The following GALNT17 variants were observed in gnomAD, a reference collection of about 807,000 sequenced individuals.
GALNT17 encodes polypeptide N-acetylgalactosaminyltransferase 17.
GALNT17 carries 29 observed loss-of-function variants against 63.7 expected under a neutral mutation model. The observed-to-expected ratio is 0.46, with a 90% confidence interval of 0.34 to 0.62. The LOEUF (loss-of-function observed/expected upper bound fraction) is 0.62. GALNT17 is among the 20% of genes least tolerant of loss of function. The pLI, the probability that GALNT17 is intolerant of heterozygous loss-of-function variation, is 0.01. For synonymous variants in GALNT17, 305 were observed against 318.3 expected, an observed-to-expected ratio of 0.96 and a Z score of 0.45; for missense variants, 603 against 799.6, an observed-to-expected ratio of 0.75 and a Z score of 2.97.
intron 2 of GALNT17, among the ~76,000 whole-genome samples, chr7:71,374,834 ATTT>A (rs71089940): frequency 0.37 from 40,789 of 108,982 alleles, 6,720 homozygotes; most frequent in Non-Finnish European, 0.42. Flanking sequence ...CTTGAGGAGG[ATTT>A]TTTTTTTTTT....
In GALNT17 at chr7:71,712,289, G is replaced by A. The variant is rs1791807167; in HGVS notation, c.*143G>A. The stretch of plus-strand genomic sequence containing the variant: ...CCCAGGGCTTCTCCAGGGCAGCACA[G>A]GGACCCCGGATGAAGACTCTGTCCC... On this transcript the variant is annotated 3_prime_UTR_variant, in exon 11 of 11. Transcript: ENST00000333538. 8.6e-7 allele frequency: 1 copy of A among 1,157,066 alleles called. No homozygotes were observed. The highest frequency in any genetic ancestry group is 1.6e-5 in the African/African-American group (1 of 63,868). 71.7% of individuals were successfully genotyped at this position (1,157,066 alleles called of 1,614,324 possible).
At chr7:71,533,783 A>AG (rs1384942227) in intron 5 of GALNT17, among the ~76,000 whole-genome samples, 1 of 152,160 alleles carries the variant, frequency 6.6e-6, no homozygotes, top group Admixed American at 6.5e-5. Context: ...GCTGTAACAC[A>AG]GGTGATGTCA....
At chr7:71,421,522 G>A (rs1297628489) in intron 5 of GALNT17, among the ~76,000 whole-genome samples, 1 of 152,154 alleles carries the variant, frequency 6.6e-6, no homozygotes, top group African/African-American at 2.4e-5. Context: ...AAAAGGACAA[G>A]GGGGTGTGGC....
At chr7:71,606,082 G>C (rs1311765654) in intron 6 of GALNT17, among the ~76,000 whole-genome samples, 3 of 151,312 alleles carry the variant, frequency 2.0e-5, no homozygotes, top group South Asian at 4.2e-4. Context: ...TGGGACTACT[G>C]GTGTGTACCA....
intron 6 of GALNT17, among the ~76,000 whole-genome samples, chr7:71,614,289 A>C (rs1406637564): frequency 6.6e-6 from 1 of 152,166 alleles, no homozygotes; most frequent in Non-Finnish European, 1.5e-5. Flanking sequence ...TTTTGAGCAC[A>C]GATATGACTC....
At chr7:71,280,429 C>A (rs1790759994) in intron 1 of GALNT17, among the ~76,000 whole-genome samples, 1 of 152,146 alleles carries the variant, frequency 6.6e-6, no homozygotes, top group Non-Finnish European at 1.5e-5. Flanking sequence ...CTACTTTCCA[C>A]CTTCACCAAG....
intron 1 of GALNT17, among the ~76,000 whole-genome samples, chr7:71,327,506 G>T (rs1465409617): frequency 6.6e-6 from 1 of 152,094 alleles, no homozygotes; most frequent in Non-Finnish European, 1.5e-5. Context: ...GGAATTATGG[G>T]AGCTACAATT....
chr7:71,377,800 T>G (rs1792772904), intron 2 of GALNT17, among the ~76,000 whole-genome samples: 1 of 152,126 alleles, frequency 6.6e-6, no homozygotes, highest in South Asian at 2.1e-4. Flanking sequence ...TCAGATCTGA[T>G]GGTTTTATAA....
chr7:71,376,011 A>G (rs950229601), intron 2 of GALNT17, among the ~76,000 whole-genome samples: 8 of 152,084 alleles, frequency 5.3e-5, no homozygotes, highest in Non-Finnish European at 8.8e-5. Flanking sequence ...CCTGGGAGGC[A>G]GAGGTCACAG....
intron 6 of GALNT17, among the ~76,000 whole-genome samples, chr7:71,630,462 T>G (rs1790439355): frequency 1.3e-5 from 2 of 152,222 alleles, no homozygotes. Context: ...TGGCTGACTC[T>G]GCATTTCTAT....
intron 6 of GALNT17, among the ~76,000 whole-genome samples, chr7:71,621,061 T>TTC (rs1790281788): frequency 6.6e-6 from 1 of 152,220 alleles, no homozygotes; most frequent in Non-Finnish European, 1.5e-5. Context: ...ACTATGTTAA[T>TTC]TATAGGCTTA....
intron 6 of GALNT17, among the ~76,000 whole-genome samples, chr7:71,612,475 G>A (rs534183679): frequency 6.6e-5 from 10 of 152,330 alleles, no homozygotes; most frequent in African/African-American, 1.7e-4. Context: ...AAAGGAATGC[G>A]TAAAGAAGAG....
intron 5 of GALNT17, among the ~76,000 whole-genome samples, chr7:71,518,672 C>T (rs1359577268): frequency 2.6e-5 from 4 of 152,164 alleles, no homozygotes; most frequent in Non-Finnish European, 4.4e-5. Flanking sequence ...TTTGGATATA[C>T]TCCCACATTT....
chr7:71,579,736 C>A (rs752496679), intron 6 of GALNT17, among the ~76,000 whole-genome samples: 1 of 152,132 alleles, frequency 6.6e-6, no homozygotes, highest in Non-Finnish European at 1.5e-5. Context: ...CTCTTAGATG[C>A]AGCGACAACC....
At chr7:71,371,471 GT>G (rs1341863622) in intron 2 of GALNT17, among the ~76,000 whole-genome samples, 2 of 151,968 alleles carry the variant, frequency 1.3e-5, no homozygotes, top group Non-Finnish European at 2.9e-5. Context: ...ATGCATTCAT[GT>G]TTTTTGTTTA....
chr7:71,406,819 A>C (rs1032576942), intron 3 of GALNT17, among the ~76,000 whole-genome samples: 1 of 150,794 alleles, frequency 6.6e-6, no homozygotes, highest in African/African-American at 2.4e-5. Flanking sequence ...TGCAACCTCT[A>C]CCTCAAGCTG....
chr7:71,200,723 A>G (rs191632471), intron 1 of GALNT17, among the ~76,000 whole-genome samples: 1 of 152,176 alleles, frequency 6.6e-6, no homozygotes, highest in African/African-American at 2.4e-5. Context: ...TCCTGCTCCT[A>G]CATAGCTATG....
chr7:71,560,461 G>A (rs1313508243), intron 5 of GALNT17, among the ~76,000 whole-genome samples: 1 of 152,172 alleles, frequency 6.6e-6, no homozygotes, highest in Non-Finnish European at 1.5e-5. Flanking sequence ...CACAAGGAAG[G>A]AGAGCATGGG....
chr7:71,491,425 C>T (rs763208209), intron 5 of GALNT17, among the ~76,000 whole-genome samples: 3 of 152,046 alleles, frequency 2.0e-5, no homozygotes, highest in Non-Finnish European at 4.4e-5. Context: ...TGATTTATAG[C>T]GAGGTCCATC....
Sources: allele counts gnomAD v4.1 joint callset (sites outside exome capture counted in the v4.1 genomes callset), GRCh38; gene constraint gnomAD v4.1.1; transcripts MANE v1.5; gene names NCBI Gene and HGNC (gene_info 2026-07-23, HGNC 2026-07-21).